Variants in RFTN1 observed in about 807,000 individuals in gnomAD.
RFTN1 encodes raftlin, lipid raft linker 1, also known as raftlin.
Under a neutral mutation model 46.5 loss-of-function variants are expected in RFTN1, and 26 were observed. That is an observed-to-expected ratio of 0.56 (90% CI 0.41 to 0.78). The LOEUF (loss-of-function observed/expected upper bound fraction) is 0.78. RFTN1 is among the 30% of genes least tolerant of loss of function. The probability of loss-of-function intolerance (pLI) is 0.00; values close to 1 mark genes in which losing one functional copy is unlikely to be tolerated. For synonymous variants in RFTN1, 261 were observed against 284.2 expected (o/e 0.92, Z 0.82); for missense variants, 693 against 718.7 (o/e 0.96, Z 0.41).
intron 6 of RFTN1, among the ~76,000 whole-genome samples, chr3:16,360,727 C>T (rs997580936): frequency 7.9e-5 from 12 of 152,140 alleles, no homozygotes; most frequent in African/African-American, 2.7e-4. Context: ...AAAACTTAAT[C>T]TAAATGTTCA....
Position 16,387,473 on chromosome 3 carries a change from C to T in RFTN1, c.442-9371G>A, listed in dbSNP as rs763389175. On this transcript the variant is annotated intron_variant, in intron 4 of 9. Coordinates refer to ENST00000334133, the MANE Select transcript of RFTN1 (RefSeq NM_015150.2). This position sits in a 1 kb window ranked among gnomAD's most constrained non-coding sequence, Gnocchi z 5.2. Reference sequence around the variant, plus strand: ...CTTTGTCCCCAGCATCGGTGTGACCCGGTTAAGGCAAAACCCAGGCCATAG... The same window carrying T: ...CTTTGTCCCCAGCATCGGTGTGACCTGGTTAAGGCAAAACCCAGGCCATAG... Among the ~76,000 whole-genome samples, 15 of 152,144 alleles carry T rather than the reference C, an allele frequency of 9.9e-5. No individual in the cohort carries two copies. The highest frequency in any genetic ancestry group is 4.2e-4 in the South Asian group (2 of 4,818).
intron 3 of RFTN1, among the ~76,000 whole-genome samples, chr3:16,411,904 C>T (rs958548545): frequency 2.0e-5 from 3 of 152,186 alleles, no homozygotes; most frequent in African/African-American, 7.2e-5. Flanking sequence ...ACAACATTCA[C>T]AGGATGAACA....
In RFTN1 at chr3:16,440,108, C is replaced by T. The variant is rs946002837; in HGVS notation, c.146-6071G>A. 2.6e-5 allele frequency among the ~76,000 whole-genome samples: 4 copies of T among 152,224 alleles called. No homozygotes were observed. In the South Asian group the frequency reaches 8.3e-4, roughly 32 times the overall value. ...GGCTGTCTTAGCCACCGTTACCTTC[C>T]AAAAAGAGAAAATGCCAGCCTACTC... On this transcript the variant is annotated intron_variant, in intron 2 of 9. Coordinates refer to ENST00000334133, the MANE Select transcript of RFTN1 (RefSeq NM_015150.2). The surrounding 1 kb of genome is among the most constrained non-coding windows in gnomAD (Gnocchi z 4.6).
chr3:16,376,926 C>T lies in RFTN1; in HGVS notation c.826+792G>A, dbSNP rs1022410183. Among the ~76,000 whole-genome samples the T allele has an allele frequency of 6.6e-6, 1 of 152,062 alleles. No homozygotes were observed. Among genetic ancestry groups the T allele is most frequent in the Non-Finnish European group, 1.5e-5 (1 of 68,010 alleles). ...TAATAACAATATTAACCAGGGAGATCATCCAGAAAGGCCTAAACAGAAAGC... is the reference window on the plus strand; with the variant it reads ...TAATAACAATATTAACCAGGGAGATTATCCAGAAAGGCCTAAACAGAAAGC... On this transcript the variant is annotated intron_variant, in intron 5 of 9. Coordinates refer to ENST00000334133, the MANE Select transcript of RFTN1 (RefSeq NM_015150.2). The surrounding 1 kb of genome is among the most constrained non-coding windows in gnomAD (Gnocchi z 4.7).
Position 16,500,667 on chromosome 3 carries a change from A to C in RFTN1, c.-8-6790T>G, listed in dbSNP as rs1364301627. 6.6e-6 allele frequency among the ~76,000 whole-genome samples: 1 copy of C among 152,208 alleles called. No homozygotes were observed. Among genetic ancestry groups the C allele is most frequent in the Non-Finnish European group, 1.5e-5 (1 of 68,022 alleles). The stretch of plus-strand genomic sequence containing the variant: ...CCTTGAATGGTGATCTTCTGGAAAA[A>C]ATTTTGGCTGAATCAAACCTTAAGT... On this transcript the variant is annotated intron_variant, in intron 1 of 9. Transcript: ENST00000334133. This position sits in a 1 kb window ranked among gnomAD's most constrained non-coding sequence, Gnocchi z 5.9.
chr3:16,333,595 C>G (rs2070541632), intron 7 of RFTN1, among the ~76,000 whole-genome samples: 1 of 152,040 alleles, frequency 6.6e-6, no homozygotes, highest in South Asian at 2.1e-4. Context: ...AAAGTGAACA[C>G]TGGAAGGCCT....
rs1159718727 is a variant in RFTN1, at chr3:16,507,331, C to G, written c.-9+6111G>C. Reference sequence around the variant, plus strand: ...GGCACTTATAAGGTATCATAAGACACCAGAAAATCCCAAAAGACCTCTCTA... The same window carrying G: ...GGCACTTATAAGGTATCATAAGACAGCAGAAAATCCCAAAAGACCTCTCTA... On this transcript the variant is annotated intron_variant, in intron 1 of 9. Transcript: ENST00000334133. The surrounding 1 kb of genome is among the most constrained non-coding windows in gnomAD (Gnocchi z 7.1). 6.6e-6 allele frequency among the ~76,000 whole-genome samples: 1 copy of G among 152,026 alleles called. No individual in the cohort carries two copies. The highest frequency in any genetic ancestry group is 1.5e-5 in the Non-Finnish European group (1 of 68,008).
rs1484539422 is a variant in RFTN1 at position 16,376,672 on chromosome 3, G to A, written c.826+1046C>T. On this transcript the variant is annotated intron_variant, in intron 5 of 9. Coordinates refer to ENST00000334133, the MANE Select transcript of RFTN1 (RefSeq NM_015150.2). The surrounding 1 kb of genome is among the most constrained non-coding windows in gnomAD (Gnocchi z 4.7). ...TCAGTGCATACTAAGAAGGCTCAATGCCTTGATTAAACAATAGTCTTACTA... is the reference window on the plus strand; with the variant it reads ...TCAGTGCATACTAAGAAGGCTCAATACCTTGATTAAACAATAGTCTTACTA... Among the ~76,000 whole-genome samples, 9 of 152,218 alleles carry A rather than the reference G, an allele frequency of 5.9e-5. No homozygotes were observed. The highest frequency in any genetic ancestry group is 1.3e-4 in the Non-Finnish European group (9 of 68,036).
intron 6 of RFTN1, among the ~76,000 whole-genome samples, chr3:16,363,677 C>T (rs1049851459): frequency 1.3e-5 from 2 of 152,240 alleles, no homozygotes; most frequent in Admixed American, 6.5e-5. Context: ...GCGGTCAATG[C>T]ATTTGGTCTA....
intron 3 of RFTN1, among the ~76,000 whole-genome samples, chr3:16,409,889 G>C (rs1049623272): frequency 6.6e-6 from 1 of 151,948 alleles, no homozygotes; most frequent in Admixed American, 6.6e-5. Flanking sequence ...GTTTCACCAT[G>C]TTGGACAGGC....
chr3:16,467,495 G>A (rs1332546461), intron 2 of RFTN1, among the ~76,000 whole-genome samples: 2 of 152,224 alleles, frequency 1.3e-5, no homozygotes, highest in Non-Finnish European at 1.5e-5. Context: ...ACTGGATCCA[G>A]ACACTTGACT....
At position 16,342,371 on chromosome 3, in the gene RFTN1, T is replaced by C. The variant is rs2071374577; in HGVS notation, c.1147-15495A>G. On this transcript the variant is annotated intron_variant, in intron 7 of 9. Coordinates refer to ENST00000334133, the MANE Select transcript of RFTN1 (RefSeq NM_015150.2). The surrounding 1 kb of genome is among the most constrained non-coding windows in gnomAD (Gnocchi z 4.0). ...ATACATGTAGCATATATCAGTAGTT[T>C]ATTCCTTTTTATTGCAAAATAATAT... Among the ~76,000 whole-genome samples, 1 of 152,392 alleles carries C rather than the reference T, an allele frequency of 6.6e-6. No individual in the cohort carries two copies. The highest frequency in any genetic ancestry group is 1.9e-4 in the East Asian group (1 of 5,192).
intron 4 of RFTN1, among the ~76,000 whole-genome samples, chr3:16,386,203 A>T (rs201682193): frequency 1.9e-5 from 1 of 53,688 alleles, no homozygotes; most frequent in African/African-American, 1.4e-4. Context: ...GATTTGGGAG[A>T]AGGATTCCTA....
At chr3:16,393,469 G>A (rs2074397238) in intron 4 of RFTN1, among the ~76,000 whole-genome samples, 1 of 151,982 alleles carries the variant, frequency 6.6e-6, no homozygotes, top group Admixed American at 6.6e-5. Context: ...GTGATCTCCT[G>A]GATTTTACCC....
rs2125450137 is a variant in RFTN1 at position 16,410,766 on chromosome 3, A to C, written c.333-1283T>G. ...CTTTCCAAAGCACCACCACATAGACATCCCTGTGATACAGCACAGTTCAAA... is the reference window on the plus strand; with the variant it reads ...CTTTCCAAAGCACCACCACATAGACCTCCCTGTGATACAGCACAGTTCAAA... On this transcript the variant is annotated intron_variant, in intron 3 of 9. Coordinates refer to ENST00000334133, the MANE Select transcript of RFTN1 (RefSeq NM_015150.2). This position sits in a 1 kb window ranked among gnomAD's most constrained non-coding sequence, Gnocchi z 4.6. Among the ~76,000 whole-genome samples, 1 of 152,292 alleles carries C rather than the reference A, an allele frequency of 6.6e-6. No homozygotes were observed. Among genetic ancestry groups the C allele is most frequent in the East Asian group, 1.9e-4 (1 of 5,186 alleles).
At chr3:16,467,095 G>T (rs192222153) in intron 2 of RFTN1, among the ~76,000 whole-genome samples, 40 of 152,170 alleles carry the variant, frequency 2.6e-4, no homozygotes, top group African/African-American at 9.4e-4. Flanking sequence ...AAACAAAAAG[G>T]GGGGTGAGGG....
intron 2 of RFTN1, among the ~76,000 whole-genome samples, chr3:16,477,612 T>C (rs2076303159): frequency 6.6e-6 from 1 of 152,182 alleles, no homozygotes; most frequent in African/African-American, 2.4e-5. Context: ...CCAAACCTCA[T>C]TACCACTGAC....
At position 16,320,716 on chromosome 3, in the gene RFTN1, T is replaced by C. The variant is rs757637737; in HGVS notation, c.1332+2660A>G. On this transcript the variant is annotated intron_variant, in intron 9 of 9. Coordinates refer to ENST00000334133, the MANE Select transcript of RFTN1 (RefSeq NM_015150.2). This position sits in a 1 kb window ranked among gnomAD's most constrained non-coding sequence, Gnocchi z 4.5. ...GAGCTAGAAAGGAGGAGAATGTCCTTGGCAGAGGGGACACGGAAGAACTGG... is the reference window on the plus strand; with the variant it reads ...GAGCTAGAAAGGAGGAGAATGTCCTCGGCAGAGGGGACACGGAAGAACTGG... Among the ~76,000 whole-genome samples, 4 of 152,150 alleles carry C rather than the reference T, an allele frequency of 2.6e-5. No homozygotes were observed. The highest frequency in any genetic ancestry group is 5.9e-5 in the Non-Finnish European group (4 of 68,020).
intron 5 of RFTN1, among the ~76,000 whole-genome samples, chr3:16,371,915 G>C (rs141505304): frequency 6.6e-6 from 1 of 152,158 alleles, no homozygotes; most frequent in Admixed American, 6.5e-5. Flanking sequence ...GAAATGGAGC[G>C]ACACAGAGGA....
Sources: gnomAD v4.1 joint callset for allele counts (sites outside exome capture counted in the v4.1 genomes callset) on GRCh38, gnomAD v4.1.1 for gene constraint, Gnocchi (gnomAD v3.1) non-coding constraint, MANE v1.5 for transcripts, NCBI Gene and HGNC (gene_info 2026-07-23, HGNC 2026-07-21) for gene names.